Variants in BOP1 observed in about 807,000 individuals in gnomAD.
BOP1 encodes the protein BOP1 ribosomal biogenesis factor, also known as ribosome biogenesis protein BOP1.
BOP1 carries 54 observed loss-of-function variants against 82.9 expected under a neutral mutation model. The ratio of observed to expected loss-of-function variants is 0.65; its 90% confidence interval spans 0.52 to 0.82. The LOEUF is 0.82. BOP1 is among the 40% of genes least tolerant of loss of function. The pLI, the probability that BOP1 is intolerant of heterozygous loss-of-function variation, is 0.00. For synonymous variants in BOP1, 566 were observed against 451.1 expected (o/e 1.25, Z -3.23); for missense variants, 1,170 against 1,072.0 (o/e 1.09, Z -1.28).
chr8:144,277,710 G>A (rs1845589123), intron 2 of BOP1, among the ~76,000 whole-genome samples: 2 of 151,646 alleles, frequency 1.3e-5, no homozygotes, highest in Admixed American at 6.6e-5. Flanking sequence ...GTTCCCAGGG[G>A]CGCAGCATCC....
In BOP1 at chr8:144,262,187, C is replaced by T. The variant is rs1020723782; in HGVS notation, c.2218G>A (p.Gly740Arg). Residue 740 changes from glycine to arginine, a missense_variant, in exon 16 of 16, where the codon GGG becomes AGG. By Grantham distance (125) the Gly-to-Arg change is moderately radical. Transcript: ENST00000569669. ...AGCTAGGTGAAGAGGCGGACAGTCC[C>T]GTCTGCCCCCGAGGAGAAGACCCAC... ...QPWVFSSGAD[G>R]TVRLFT is the part of the protein sequence containing the mutation. 1.2e-5 allele frequency: 19 copies of T among 1,612,356 alleles called. No individual in the cohort carries two copies. The highest frequency in any genetic ancestry group is 2.7e-5 in the African/African-American group (2 of 74,826).
chr8:144,288,632 C>T (rs1004565566), intron 2 of BOP1, among the ~76,000 whole-genome samples: 4 of 152,226 alleles, frequency 2.6e-5, no homozygotes, highest in African/African-American at 9.6e-5. Context: ...CCCCCACCAT[C>T]GCTGCAACAG....
At chr8:144,283,408 G>A (rs559705703) in intron 2 of BOP1, among the ~76,000 whole-genome samples, 2 of 152,310 alleles carry the variant, frequency 1.3e-5, no homozygotes, top group Non-Finnish European at 2.9e-5. Context: ...CATGGATGAT[G>A]CCGCCACAGG....
At chr8:144,270,473 A>C (rs1845474286) in intron 3 of BOP1, among the ~76,000 whole-genome samples, 1 of 151,948 alleles carries the variant, frequency 6.6e-6, no homozygotes, top group Non-Finnish European at 1.5e-5. Context: ...TGCGGGCCTG[A>C]CTCCGACCGC....
intron 3 of BOP1, among the ~76,000 whole-genome samples, chr8:144,274,077 AG>A (rs1186043554): frequency 2.6e-5 from 4 of 152,096 alleles, no homozygotes; most frequent in Non-Finnish European, 5.9e-5. Flanking sequence ...GTAGGTGGGC[AG>A]GGGGTGGCAG....
chr8:144,269,564 G>A (rs984726399), intron 3 of BOP1, among the ~76,000 whole-genome samples: 5 of 152,224 alleles, frequency 3.3e-5, no homozygotes, highest in East Asian at 1.9e-4. Flanking sequence ...GCTAGAGGGG[G>A]GCTGAGTCCA....
At position 144,262,286 on chromosome 8, in the gene BOP1, C is replaced by T. The variant is rs1016799944; in HGVS notation, c.2119G>A (p.Val707Ile). 2.0e-5 allele frequency: 33 copies of T among 1,612,660 alleles called. No individual in the cohort carries two copies. The highest frequency in any genetic ancestry group is 6.7e-5 in the East Asian group (3 of 44,880). Residue 707 changes from valine (V) to isoleucine (I), a missense_variant, in exon 16 of 16, where the codon GTC (valine) becomes ATC (isoleucine). Transcript: ENST00000569669. ...DLLQNPLLVP[V>I]KVLKGHVLTR... ...AGCACGTGTCCCTTCAGCACCTTGACGGGCACCAGCAAGGGGTTCTGCAGA... is the reference window on the plus strand; with the variant it reads ...AGCACGTGTCCCTTCAGCACCTTGATGGGCACCAGCAAGGGGTTCTGCAGA...
chr8:144,267,442 G>A lies in BOP1; in HGVS notation c.391-2371C>T, dbSNP rs1375104006. 5.9e-5 allele frequency among the ~76,000 whole-genome samples: 9 copies of A among 152,348 alleles called. No homozygotes were observed. In the East Asian group the frequency reaches 1.7e-3, roughly 29 times the overall value. On this transcript the variant is annotated intron_variant, in intron 3 of 15. Transcript: ENST00000569669. Reference sequence around the variant, plus strand: ...GGGTAAGAGCTAGGGATGGCCAAAGGGGCCCACCCAGGGCGGGGAGGCTGG... The same window carrying A: ...GGGTAAGAGCTAGGGATGGCCAAAGAGGCCCACCCAGGGCGGGGAGGCTGG...
At chr8:144,289,977 G>A (rs1554839945) in intron 1 of BOP1, among the ~76,000 whole-genome samples, 1 of 152,222 alleles carries the variant, frequency 6.6e-6, no homozygotes, top group Admixed American at 6.5e-5. Context: ...CCTCTGAGCA[G>A]AGCCCTGCTG....
rs975802545 is a variant in BOP1, at chr8:144,277,649, G to A, written c.310-1345C>T. Among the ~76,000 whole-genome samples, 11 of 152,368 alleles carry A rather than the reference G, an allele frequency of 7.2e-5. 1 individual carries two copies. Among genetic ancestry groups the A allele is most frequent in the South Asian group, 6.2e-4 (3 of 4,828 alleles). ...CCTGTGCTGGATGTGGACAGGCCACGGCACAGGCAGGCTCTGGGCAGGGGG... is the reference window on the plus strand; with the variant it reads ...CCTGTGCTGGATGTGGACAGGCCACAGCACAGGCAGGCTCTGGGCAGGGGG... On this transcript the variant is annotated intron_variant, in intron 2 of 15. Coordinates refer to ENST00000569669, the MANE Select transcript of BOP1 (RefSeq NM_015201.5).
At chr8:144,268,351 G>T (rs1012970441) in intron 3 of BOP1, 2 of 648,938 alleles carry the variant, frequency 3.1e-6, no homozygotes, top group Non-Finnish European at 5.2e-6. Context: ...CCCAGCACCT[G>T]CCCGGGCCCA....
At chr8:144,288,418 C>A (rs569248512) in intron 2 of BOP1, among the ~76,000 whole-genome samples, 101 of 150,924 alleles carry the variant, frequency 6.7e-4, no homozygotes, top group African/African-American at 2.4e-3. Flanking sequence ...ATCCCAGCTA[C>A]TAGAGAGGCT....
At chr8:144,266,509 C>T in intron 3 of BOP1, 15 of 988,176 alleles carry the variant, frequency 1.5e-5, no homozygotes, top group Non-Finnish European at 1.8e-5. Flanking sequence ...GGGGCGCAGC[C>T]GAGACCCCGC....
intron 3 of BOP1, among the ~76,000 whole-genome samples, chr8:144,275,846 G>A (rs1198176183): frequency 4.6e-5 from 7 of 151,084 alleles, no homozygotes; most frequent in African/African-American, 9.8e-5. Flanking sequence ...ACCCATGCCC[G>A]TGACCCCCAC....
At chr8:144,265,151 G>A in intron 3 of BOP1, 80 bp from the exon 4 acceptor site, 2 of 1,507,478 alleles carry the variant, frequency 1.3e-6, no homozygotes, top group Non-Finnish European at 1.8e-6. Context: ...GAGCAGGTGA[G>A]GGGGTTGCAG....
At chr8:144,266,828 G>T in intron 3 of BOP1, 1 of 1,278,906 alleles carries the variant, frequency 7.8e-7, no homozygotes, top group Non-Finnish European at 1.0e-6. Flanking sequence ...CGGCCAGGCC[G>T]TGAGCCCCGG....
intron 2 of BOP1, among the ~76,000 whole-genome samples, chr8:144,285,451 C>T (rs565083018): frequency 6.6e-5 from 10 of 152,244 alleles, no homozygotes; most frequent in South Asian, 2.1e-4. Flanking sequence ...GGCAGAAGCA[C>T]GTGGCAGAAG....
chr8:144,269,146 G>A (rs1374626040), intron 3 of BOP1, among the ~76,000 whole-genome samples: 1 of 152,230 alleles, frequency 6.6e-6, no homozygotes, highest in Admixed American at 6.5e-5. Context: ...CACAGGAGGT[G>A]GGTTTAGCCC....
chr8:144,266,993 TG>T, intron 3 of BOP1: 1 of 1,545,906 alleles, frequency 6.5e-7, no homozygotes, highest in Non-Finnish European at 8.7e-7. Flanking sequence ...ATCTCGCACC[TG>T]GGCAACGTGC....
Sources: gnomAD v4.1 joint callset for allele counts (sites outside exome capture counted in the v4.1 genomes callset) on GRCh38, gnomAD v4.1.1 for gene constraint, MANE v1.5 for transcripts, NCBI Gene and HGNC (gene_info 2026-07-23, HGNC 2026-07-21) for gene names.